Variants in PDZD2 observed in about 807,000 individuals in gnomAD.
PDZD2 encodes PDZ domain-containing protein 2.
PDZD2 carries 90 observed loss-of-function variants against 220.7 expected under a neutral mutation model. That is an observed-to-expected ratio of 0.41 (90% confidence interval 0.34 to 0.49). The LOEUF (loss-of-function observed/expected upper bound fraction) is 0.49, where lower values mean the gene tolerates loss of function less well. Among genes scored for constraint, PDZD2 ranks in the 20% least tolerant of loss-of-function variants. PDZD2 has a pLI of 0.28. For synonymous variants in PDZD2, 1,375 were observed against 1,450.5 expected (o/e 0.95, Z 1.18); for missense variants, 3,174 against 3,608.5 (o/e 0.88, Z 3.08).
At chr5:31,704,580 T>G (rs1747736729) in intron 1 of PDZD2, among the ~76,000 whole-genome samples, 1 of 152,238 alleles carries the variant, frequency 6.6e-6, no homozygotes. Context: ...TGACTGCAGA[T>G]TTTTCCTATT....
chr5:31,772,176 A>T (rs907992422), intron 1 of PDZD2, among the ~76,000 whole-genome samples: 1 of 152,202 alleles, frequency 6.6e-6, no homozygotes, highest in African/African-American at 2.4e-5. Flanking sequence ...CACCAGTTTT[A>T]ATCAGTAGTT....
intron 1 of PDZD2, among the ~76,000 whole-genome samples, chr5:31,733,989 A>G (rs1234431325): frequency 3.9e-5 from 6 of 152,218 alleles, no homozygotes; most frequent in Non-Finnish European, 8.8e-5. Flanking sequence ...TTCCCATTTC[A>G]GATACCAATA....
rs368453520 is a variant in PDZD2 at position 32,088,262 on chromosome 5, G to A, written c.4814G>A (p.Arg1605His). 78 of 1,613,982 alleles carry A rather than the reference G, an allele frequency of 4.8e-5. No individual in the cohort carries two copies. The highest frequency in any genetic ancestry group is 8.0e-5 in the African/African-American group (6 of 74,914). The change falls in exon 20 of 25, where the codon CGT becomes CAT. Residue 1605 changes from arginine to histidine, a missense_variant. Arg to His is a conservative substitution (Grantham distance 29). This residue lies in a region of PDZD2 where 1,861 missense variants were observed against 2,001.0 expected (regional missense o/e 0.93). Transcript: ENST00000438447. This position sits in a 1 kb window ranked among gnomAD's most constrained non-coding sequence, Gnocchi z 4.6. The stretch of plus-strand genomic sequence containing the variant: ...GAACAGATTGAGATTTGTTCCACAC[G>A]TGGCTGCCCCAATCCACCCTCGAGT... ...EEEQIEICST[R>H]GCPNPPSSPA...
intron 4 of PDZD2, among the ~76,000 whole-genome samples, chr5:31,998,673 A>G (rs998182529): frequency 7.2e-5 from 11 of 152,218 alleles, no homozygotes; most frequent in Non-Finnish European, 1.6e-4. Context: ...CCACATTGGA[A>G]GAGGAAGAAT....
intron 1 of PDZD2, among the ~76,000 whole-genome samples, chr5:31,695,087 G>A (rs1747324833): frequency 6.6e-6 from 1 of 151,788 alleles, no homozygotes; most frequent in East Asian, 1.9e-4. Context: ...TCGCACCACT[G>A]CACTCCAGCC....
chr5:32,098,316 A>G lies in PDZD2; in HGVS notation c.7948-48A>G. The G allele has an allele frequency of 6.3e-7, 1 of 1,583,176 alleles. No individual in the cohort carries two copies. Among genetic ancestry groups the G allele is most frequent in the Non-Finnish European group, 8.6e-7 (1 of 1,161,018 alleles). ...AGTTACTATCTCCCTTTTACCGGAA[A>G]TCGTAAGTGGATCTGGTTTTTGTTC... is the stretch of plus-strand genomic sequence containing the variant. On this transcript the variant is annotated intron_variant, in intron 22 of 24. Coordinates refer to ENST00000438447, the MANE Select transcript of PDZD2 (RefSeq NM_178140.4). This position sits in a 1 kb window ranked among gnomAD's most constrained non-coding sequence, Gnocchi z 4.1.
At chr5:32,054,338 T>TTTTTTTTG (rs1554034160) in intron 10 of PDZD2, among the ~76,000 whole-genome samples, 1 of 125,662 alleles carries the variant, frequency 8.0e-6, no homozygotes, top group Non-Finnish European at 1.7e-5. Flanking sequence ...TTTTTTTTTT[T>TTTTTTTTG]AATGAGACAG....
At chr5:31,644,263 A>G (rs1445326742) in intron 1 of PDZD2, among the ~76,000 whole-genome samples, 1 of 152,200 alleles carries the variant, frequency 6.6e-6, no homozygotes, top group Non-Finnish European at 1.5e-5. Context: ...TATGGTATCT[A>G]GAAATTTGAC....
At position 32,000,520 on chromosome 5, in the gene PDZD2, T is replaced by C. The variant is rs1242961328; in HGVS notation, c.1254+249T>C. On this transcript the variant is annotated intron_variant, in intron 5 of 24. Transcript: ENST00000438447. This position sits in a 1 kb window ranked among gnomAD's most constrained non-coding sequence, Gnocchi z 4.5. ...GTTTTTGTTTTTGTTTTTGTTTTTG[T>C]TTTTTTTGAGACGGAGTTTCACTCT... Among the ~76,000 whole-genome samples the C allele has an allele frequency of 4.7e-5, 6 of 127,134 alleles. No individual in the cohort carries two copies. The highest frequency in any genetic ancestry group is 9.1e-5 in the Non-Finnish European group (5 of 55,058). 83.4% of individuals were successfully genotyped at this position (127,134 alleles called of 152,430 possible). A position where few individuals can be genotyped will look rare whatever the true frequency, so the allele number is the denominator to read the frequency against.
intron 1 of PDZD2, among the ~76,000 whole-genome samples, chr5:31,722,275 C>A (rs1748854393): frequency 6.6e-6 from 1 of 152,158 alleles, no homozygotes. Flanking sequence ...CTGCTCCTCC[C>A]TCTCACCTTG....
chr5:31,911,161 A>G (rs1338928313), intron 2 of PDZD2, among the ~76,000 whole-genome samples: 1 of 152,224 alleles, frequency 6.6e-6, no homozygotes, highest in Admixed American at 6.5e-5. Context: ...ATGGTATGTA[A>G]GCCAAATCAA....
chr5:31,933,899 C>G lies in PDZD2; in HGVS notation c.477-49256C>G, dbSNP rs537051501. ...CCCCAGATGCCTGTCATGGATAATG[C>G]AATTCAGAAACTTGGGTCGGTTAGG... On this transcript the variant is annotated intron_variant, in intron 2 of 24. Coordinates refer to ENST00000438447, the MANE Select transcript of PDZD2 (RefSeq NM_178140.4). Among the ~76,000 whole-genome samples, 3 of 152,302 alleles carry G rather than the reference C, an allele frequency of 2.0e-5. No individual in the cohort carries two copies. The East Asian group carries it at 5.8e-4, about 29-fold the overall frequency.
intron 24 of PDZD2, among the ~76,000 whole-genome samples, chr5:32,104,837 G>T (rs1421598102): frequency 2.0e-5 from 3 of 151,424 alleles, no homozygotes; most frequent in East Asian, 1.9e-4. Flanking sequence ...ATAAACAAAG[G>T]GTTGATATCC....
chr5:31,699,888 G>A (rs578143311), intron 1 of PDZD2, among the ~76,000 whole-genome samples: 24 of 151,980 alleles, frequency 1.6e-4, no homozygotes, highest in African/African-American at 5.1e-4. Flanking sequence ...ACCGCACTTG[G>A]CCCTCTATTT....
At chr5:31,716,035 A>T (rs147591305) in intron 1 of PDZD2, among the ~76,000 whole-genome samples, 5 of 152,272 alleles carry the variant, frequency 3.3e-5, no homozygotes, top group Non-Finnish European at 7.4e-5. Flanking sequence ...TCTTGCCCCA[A>T]ATCCATGATC....
intron 1 of PDZD2, among the ~76,000 whole-genome samples, chr5:31,662,889 C>A (rs554267615): frequency 6.6e-6 from 1 of 152,336 alleles, no homozygotes; most frequent in South Asian, 2.1e-4. Context: ...TGTGGCCTCC[C>A]AAAGTGCTGG....
At chr5:32,003,234 AC>A (rs1275063076) in intron 5 of PDZD2, among the ~76,000 whole-genome samples, 1 of 1,494 alleles carries the variant, frequency 6.7e-4, no homozygotes, top group African/African-American at 2.7e-3. Context: ...ACCAACATAT[AC>A]CTTCACACAC....
intron 2 of PDZD2, among the ~76,000 whole-genome samples, chr5:31,898,896 C>T (rs1403374470): frequency 6.7e-6 from 1 of 148,668 alleles, no homozygotes; most frequent in Non-Finnish European, 1.5e-5. Flanking sequence ...GTGGCGATCT[C>T]GGCTCACTGC....
At chr5:31,982,664 T>TC (rs1443976054) in intron 2 of PDZD2, among the ~76,000 whole-genome samples, 1 of 152,138 alleles carries the variant, frequency 6.6e-6, no homozygotes, top group Non-Finnish European at 1.5e-5. Context: ...AGGCATAGGC[T>TC]CCCATTGTTG....
Sources: allele counts gnomAD v4.1 joint callset (sites outside exome capture counted in the v4.1 genomes callset), GRCh38; gene constraint gnomAD v4.1.1; regional missense constraint gnomAD v4.1.1; non-coding constraint Gnocchi (gnomAD v3.1); transcripts MANE v1.5; gene names NCBI Gene and HGNC (gene_info 2026-07-23, HGNC 2026-07-21).